The following VPS33A variants were observed in gnomAD, a reference collection of about 807,000 sequenced individuals.
The protein encoded by VPS33A is VPS33A core subunit of CORVET and HOPS complexes.
VPS33A carries 32 observed loss-of-function variants against 71.8 expected under a neutral mutation model. That is an observed-to-expected ratio of 0.45 (90% CI 0.34 to 0.60). VPS33A has a LOEUF of 0.60. Among genes scored for constraint, VPS33A ranks in the 20% least tolerant of loss-of-function variants. The pLI is 0.02. For missense variants in VPS33A, 625 were observed against 748.5 expected (o/e 0.84, Z 1.92); for synonymous variants, 311 against 292.7 (o/e 1.06, Z -0.64).
chr12:122,250,351 T>C (rs1005680831), intron 5 of VPS33A, among the ~76,000 whole-genome samples: 1 of 152,230 alleles, frequency 6.6e-6, no homozygotes, highest in Non-Finnish European at 1.5e-5. Flanking sequence ...CCACTGTTCC[T>C]AGGAGAAACG....
Position 122,231,924 on chromosome 12 carries a change from G to T in VPS33A, c.*322C>A. The stretch of plus-strand genomic sequence containing the variant: ...ATACAAAAATTAGCCGGGTGTGGTG[G>T]TGCATGCCTGTAGTCCCAGCTACTC... On this transcript the variant is annotated 3_prime_UTR_variant, in exon 13 of 13. Transcript: ENST00000267199. 2.6e-6 allele frequency: 1 copy of T among 391,136 alleles called. No individual in the cohort carries two copies. The highest frequency in any genetic ancestry group is 3.6e-5 in the East Asian group (1 of 27,430). The allele number at this position is 391,136 out of a possible 1,614,324, so 24.2% of individuals were successfully genotyped here.
intron 7 of VPS33A, 41 bp downstream of exon 7, chr12:122,244,528 G>A (rs1005568872): frequency 2.2e-5 from 33 of 1,533,550 alleles, no homozygotes; most frequent in Non-Finnish European, 2.9e-5. Context: ...GCATCTACCT[G>A]AGGCCTAGAG....
At chr12:122,251,731 A>G (rs1954845723) in intron 4 of VPS33A, among the ~76,000 whole-genome samples, 1 of 151,962 alleles carries the variant, frequency 6.6e-6, no homozygotes, top group Non-Finnish European at 1.5e-5. Flanking sequence ...CAATGAGAAC[A>G]CTTGGACACA....
intron 6 of VPS33A, 71 bp from the exon 7 acceptor site, chr12:122,244,833 A>G: frequency 6.7e-7 from 1 of 1,487,212 alleles, no homozygotes; most frequent in Non-Finnish European, 9.1e-7. Context: ...AACCAAGCAC[A>G]AAACAGAATT....
Position 122,242,519 on chromosome 12 carries a change from C to T in VPS33A, c.970-11G>A. 6.2e-7 allele frequency: 1 copy of T among 1,602,494 alleles called. No homozygotes were observed. Among genetic ancestry groups the T allele is most frequent in the Non-Finnish European group, 8.5e-7 (1 of 1,170,908 alleles). On this transcript the variant is annotated splice_polypyrimidine_tract_variant and intron_variant, in intron 7 of 12. Transcript: ENST00000267199. ...AGCATTGTGTCTTTCCTGAAATAAA[C>T]AAGAGAGCAGTGCCTCAAGCAGGGA...
At chr12:122,240,238 G>C (rs913378223) in intron 8 of VPS33A, among the ~76,000 whole-genome samples, 2 of 152,122 alleles carry the variant, frequency 1.3e-5, no homozygotes, top group Non-Finnish European at 2.9e-5. Flanking sequence ...TAAGGCACAA[G>C]AATCACTTGA....
At chr12:122,250,918 C>A in intron 5 of VPS33A, 65 bp downstream of exon 5, 1 of 1,181,116 alleles carries the variant, frequency 8.5e-7, no homozygotes, top group South Asian at 1.3e-5. Flanking sequence ...AGGAGCTTCC[C>A]GTTCCTCCTC....
At position 122,258,116 on chromosome 12, in the gene VPS33A, G is replaced by A. The variant is rs545241519; in HGVS notation, c.483+3145C>T. The stretch of plus-strand genomic sequence containing the variant: ...GATGTAGAAAAATTATAAGCTGGGC[G>A]CGGTGGGTCACACCTGTAATCCCAG... On this transcript the variant is annotated intron_variant, in intron 4 of 12. Coordinates refer to ENST00000267199, the MANE Select transcript of VPS33A (RefSeq NM_022916.6). Among the ~76,000 whole-genome samples, 9 of 152,154 alleles carry A rather than the reference G, an allele frequency of 5.9e-5. No homozygotes were observed. In the South Asian group the frequency reaches 1.0e-3, roughly 18 times the overall value.
At chr12:122,253,295 C>G (rs530573146) in intron 4 of VPS33A, 2 of 152,268 alleles carry the variant, frequency 1.3e-5, no homozygotes, top group Admixed American at 1.3e-4. Context: ...TGGCTCACGC[C>G]TGTAATCCCA....
rs1397373288 is a variant in VPS33A, at chr12:122,244,640, G to T, written c.898C>A (p.Arg300=). 6.2e-7 allele frequency: 1 copy of T among 1,614,026 alleles called. No individual in the cohort carries two copies. ...CCAACTGCGTTGAAGTTCTTATCTC[G>T]GATCTCAGCATAGAGCTCCTCTGCA... ...NSAEELYAEI[R]DKNFNAVGSV... Residue 300 remains arginine (R), a synonymous_variant, in exon 7 of 13, where the codon CGA becomes AGA. Coordinates refer to ENST00000267199, the MANE Select transcript of VPS33A (RefSeq NM_022916.6).
intron 2 of VPS33A, among the ~76,000 whole-genome samples, 187 bp from the exon 3 acceptor site, chr12:122,263,886 A>G (rs1309645248): frequency 6.6e-6 from 1 of 152,244 alleles, no homozygotes; most frequent in Non-Finnish European, 1.5e-5. Flanking sequence ...CTGCATCAGC[A>G]TTCAAATGAC....
At chr12:122,262,593 A>T (rs907483) in intron 3 of VPS33A, among the ~76,000 whole-genome samples, 67,529 of 149,900 alleles carry the variant, frequency 0.45, 17,280 homozygotes, top group African/African-American at 0.69. Flanking sequence ...CTATATTAAA[A>T]TTTAATCAGC....
At chr12:122,261,086 T>C (rs1954987110) in intron 4 of VPS33A, among the ~76,000 whole-genome samples, 175 bp downstream of exon 4, 2 of 152,186 alleles carry the variant, frequency 1.3e-5, no homozygotes, top group African/African-American at 4.8e-5. Flanking sequence ...TACAAAGAAT[T>C]ACTCAAAAAG....
chr12:122,243,451 C>A (rs1954739981), intron 7 of VPS33A, among the ~76,000 whole-genome samples: 1 of 152,102 alleles, frequency 6.6e-6, no homozygotes, highest in Non-Finnish European at 1.5e-5. Context: ...GTTGCCCAGG[C>A]TGGTCTAGGA....
rs377737908 is a variant in VPS33A, at chr12:122,244,806, G to A, written c.776-44C>T. On this transcript the variant is annotated intron_variant, in intron 6 of 12. Transcript: ENST00000267199. ...GAATAAGCACCTGTGTGCAATGACT[G>A]GAAGAACCAATCCGGTAACCAAGCA... The A allele has an allele frequency of 3.2e-6, 5 of 1,558,500 alleles. No homozygotes were observed. In the African/African-American group the frequency reaches 4.1e-5, roughly 13 times the overall value.
intron 11 of VPS33A, 60 bp downstream of exon 11, chr12:122,235,726 T>C (rs951491562): frequency 6.6e-7 from 1 of 1,526,180 alleles, no homozygotes; most frequent in East Asian, 2.4e-5. Context: ...AAGCATGTGT[T>C]GTCACCTGGA....
intron 8 of VPS33A, 123 bp downstream of exon 8, chr12:122,242,259 A>G: frequency 1.7e-6 from 2 of 1,191,240 alleles, no homozygotes; most frequent in Non-Finnish European, 1.2e-6. Flanking sequence ...ACTGAGAAGA[A>G]CACGTGGTAT....
At chr12:122,251,921 A>G (rs1205922377) in intron 4 of VPS33A, among the ~76,000 whole-genome samples, 1 of 116,108 alleles carries the variant, frequency 8.6e-6, no homozygotes, top group Admixed American at 7.8e-5. Flanking sequence ...CTTAAAGTAT[A>G]AAAAAAAAAA....
At chr12:122,241,267 T>A (rs1275802643) in intron 8 of VPS33A, 1 of 152,058 alleles carries the variant, frequency 6.6e-6, no homozygotes, top group Admixed American at 6.6e-5. Flanking sequence ...AATGAAAAAA[T>A]TTGAGTTAAA....
Sources: allele counts gnomAD v4.1 joint callset (sites outside exome capture counted in the v4.1 genomes callset), GRCh38; gene constraint gnomAD v4.1.1; transcripts MANE v1.5; gene names NCBI Gene and HGNC (gene_info 2026-07-23, HGNC 2026-07-21).